The following MFHAS1 variants were observed in gnomAD, a reference collection of about 807,000 sequenced individuals.
MFHAS1 encodes the protein multifunctional ROCO family signaling regulator 1.
MFHAS1 carries 50 observed loss-of-function variants against 70.4 expected under a neutral mutation model. The ratio of observed to expected loss-of-function variants is 0.71; its 90% CI spans 0.57 to 0.90. MFHAS1 has a LOEUF of 0.90. Ranked by LOEUF, MFHAS1 falls within the 40% of genes least tolerant of loss-of-function variation. The pLI is 0.00. For synonymous variants in MFHAS1, 952 were observed against 620.0 expected, an observed-to-expected ratio of 1.54 and a Z score of -7.96; for missense variants, 1,795 against 1,347.6, an observed-to-expected ratio of 1.33 and a Z score of -5.20.
In MFHAS1 at chr8:8,893,228, G is replaced by A. The variant is rs1447427434; in HGVS notation, c.-170C>T. ...GCCGAGCGCTGGCGGCTAGGGGGCG[G>A]CGGCGACGCGAGCGGCTCCGGGGGA... On this transcript the variant is annotated 5_prime_UTR_variant, in exon 1 of 3. Transcript: ENST00000276282. The A allele has an allele frequency of 1.1e-5, 2 of 188,252 alleles. No individual in the cohort carries two copies. Among genetic ancestry groups the A allele is most frequent in the African/African-American group, 2.4e-5 (1 of 41,814 alleles). The allele number at this position is 188,252 out of a possible 1,614,324, so 11.7% of individuals were successfully genotyped here.
At chr8:8,804,557 A>G (rs1181976738) in intron 1 of MFHAS1, among the ~76,000 whole-genome samples, 1 of 152,344 alleles carries the variant, frequency 6.6e-6, no homozygotes, top group South Asian at 2.1e-4. Context: ...CCCTTAAATC[A>G]GAAAGCCCTC....
chr8:8,881,815 CAAAA>C (rs35891401), intron 1 of MFHAS1, among the ~76,000 whole-genome samples: 1 of 59,412 alleles, frequency 1.7e-5, no homozygotes. Context: ...GACTCCGTCT[CAAAA>C]AAAAAAAAAA....
In MFHAS1 at chr8:8,890,998, C is replaced by T; in HGVS notation, c.2061G>A (p.Ala687=). The change falls in exon 1 of 3, where the codon GCG becomes GCA. Residue 687 remains alanine (A), a synonymous_variant. Transcript: ENST00000276282. The part of the protein sequence containing the change: ...QRLWLSWWDS[A]RLGLQAGLTE... The stretch of plus-strand genomic sequence containing the variant: ...TCAGACCCGCCTGCAGGCCCAAGCG[C>T]GCCGAGTCCCACCAGCTTAGCCACA... The T allele has an allele frequency of 6.2e-6, 10 of 1,613,896 alleles. No homozygotes were observed. Among genetic ancestry groups the T allele is most frequent in the East Asian group, 2.2e-5 (1 of 44,870 alleles).
intron 1 of MFHAS1, among the ~76,000 whole-genome samples, chr8:8,865,378 A>G (rs952548236): frequency 6.6e-6 from 1 of 152,170 alleles, no homozygotes; most frequent in Non-Finnish European, 1.5e-5. Flanking sequence ...TTTAAGAAAC[A>G]AAACTCAAAA....
chr8:8,793,136 C>G (rs147543987), intron 2 of MFHAS1, among the ~76,000 whole-genome samples: 1 of 152,114 alleles, frequency 6.6e-6, no homozygotes, highest in East Asian at 1.9e-4. Context: ...AACCACCAAT[C>G]CACTGAGACA....
Position 8,841,630 on chromosome 8 carries a change from G to C in MFHAS1, c.2999-44139C>G, listed in dbSNP as rs546496431. ...AGTGGAGGACTTTTATTTCAAAAAT[G>C]GCAATGGTAAGGCCAAAAGGAAGTT... On this transcript the variant is annotated intron_variant, in intron 1 of 2. Transcript: ENST00000276282. Among the ~76,000 whole-genome samples the C allele has an allele frequency of 3.9e-5, 6 of 152,222 alleles. No individual in the cohort carries two copies. The South Asian group carries it at 1.2e-3, about 32-fold the overall frequency.
chr8:8,840,238 C>G (rs1807762735), intron 1 of MFHAS1, among the ~76,000 whole-genome samples: 2 of 152,158 alleles, frequency 1.3e-5, no homozygotes, highest in Non-Finnish European at 2.9e-5. Context: ...GGGCAGATCA[C>G]TTGAGGTCAG....
rs77776064 is a variant in MFHAS1, at chr8:8,819,076, G to C, written c.2999-21585C>G. ...ATCAATAGAAGGCTGGCTAAATAAAGTCGGCTTATATAATGGAATATCACG... is the reference window on the plus strand; with the variant it reads ...ATCAATAGAAGGCTGGCTAAATAAACTCGGCTTATATAATGGAATATCACG... On this transcript the variant is annotated intron_variant, in intron 1 of 2. Transcript: ENST00000276282. Among the ~76,000 whole-genome samples the C allele has an allele frequency of 2.9e-3, 435 of 152,046 alleles. 5 individuals carry two copies. The highest frequency in any genetic ancestry group is 0.013 in the East Asian group (66 of 5,158).
rs36026181 is a variant in MFHAS1, at chr8:8,785,737, C to CTTTTTTTTTTTTTTTTTTT, written c.*284_*285insAAAAAAAAAAAAAAAAAAA. On this transcript the variant is annotated 3_prime_UTR_variant, in exon 3 of 3. Transcript: ENST00000276282. ...ACAAAATCCCTGAGAAGCCATTCGA[C>CTTTTTTTTTTTTTTTTTTT]TTTTTTTTTTTTTTTTTCTTTTCTT... 4.4e-6 allele frequency: 1 copy of CTTTTTTTTTTTTTTTTTTT among 227,156 alleles called. No homozygotes were observed. The allele number at this position is 227,156 out of a possible 1,614,324, so 14.1% of individuals were successfully genotyped here.
At chr8:8,846,298 A>G (rs1330939629) in intron 1 of MFHAS1, among the ~76,000 whole-genome samples, 1 of 103,356 alleles carries the variant, frequency 9.7e-6, no homozygotes, top group African/African-American at 4.3e-5. Flanking sequence ...GAGGAGGATA[A>G]GAAGGAGGAG....
chr8:8,824,521 T>TCTCACACA (rs1484537416), intron 1 of MFHAS1, among the ~76,000 whole-genome samples: 108 of 146,022 alleles, frequency 7.4e-4, no homozygotes, highest in African/African-American at 2.5e-3. Context: ...TCTCTCTCTT[T>TCTCACACA]CACACACACA....
chr8:8,883,674 C>T (rs562169524), intron 1 of MFHAS1, among the ~76,000 whole-genome samples: 1 of 131,548 alleles, frequency 7.6e-6, no homozygotes, highest in Non-Finnish European at 1.6e-5. Context: ...CGCCACTACA[C>T]TCCAGCCTGG....
At chr8:8,842,728 C>G (rs575681669) in intron 1 of MFHAS1, among the ~76,000 whole-genome samples, 1 of 152,084 alleles carries the variant, frequency 6.6e-6, no homozygotes, top group Admixed American at 6.5e-5. Flanking sequence ...CCCAGGTGAT[C>G]GGACAGCACG....
chr8:8,879,493 C>T (rs560820527), intron 1 of MFHAS1, among the ~76,000 whole-genome samples: 81 of 152,262 alleles, frequency 5.3e-4, no homozygotes, highest in African/African-American at 1.7e-3. Context: ...TGAGATTTCT[C>T]GCAAACAAGT....
At chr8:8,841,128 T>G (rs1395096954) in intron 1 of MFHAS1, among the ~76,000 whole-genome samples, 1 of 152,200 alleles carries the variant, frequency 6.6e-6, no homozygotes, top group Non-Finnish European at 1.5e-5. Context: ...CTTCGCATAT[T>G]CCTTAAGATA....
At chr8:8,884,041 A>C (rs867502045) in intron 1 of MFHAS1, among the ~76,000 whole-genome samples, 3 of 134,092 alleles carry the variant, frequency 2.2e-5, no homozygotes, top group Admixed American at 7.9e-5. Context: ...CTATTTCACA[A>C]ACACACACAC....
chr8:8,798,920 T>C, intron 1 of MFHAS1, among the ~76,000 whole-genome samples: 1 of 151,340 alleles, frequency 6.6e-6, no homozygotes, highest in Middle Eastern at 3.4e-3. Flanking sequence ...TTGTGGCAGG[T>C]GCCTGTAGTC....
At chr8:8,803,729 T>C (rs1806167147) in intron 1 of MFHAS1, among the ~76,000 whole-genome samples, 1 of 151,952 alleles carries the variant, frequency 6.6e-6, no homozygotes, top group African/African-American at 2.4e-5. Context: ...CCCAGCACTT[T>C]GGGAGGCCGA....
intron 1 of MFHAS1, among the ~76,000 whole-genome samples, chr8:8,823,281 G>T (rs1450122944): frequency 6.6e-6 from 1 of 152,212 alleles, no homozygotes; most frequent in African/African-American, 2.4e-5. Context: ...AGCTTCTGAA[G>T]CCTTGCTTTC....
Sources: allele counts gnomAD v4.1 joint callset (sites outside exome capture counted in the v4.1 genomes callset), GRCh38; gene constraint gnomAD v4.1.1; transcripts MANE v1.5; gene names NCBI Gene and HGNC (gene_info 2026-07-23, HGNC 2026-07-21).